LSM12: variants seen among roughly 807,000 people sequenced by gnomAD.
LSM12 encodes the protein LSM12 homolog.
For synonymous variants in LSM12, 74 were observed against 87.3 expected, an observed-to-expected ratio of 0.85 and a Z score of 0.85; for missense variants, 108 against 238.9, an observed-to-expected ratio of 0.45 and a Z score of 3.61.
intron 2 of LSM12, among the ~76,000 whole-genome samples, chr17:44,041,797 G>A (rs751302237): frequency 6.6e-6 from 1 of 152,150 alleles, no homozygotes; most frequent in East Asian, 1.9e-4. Flanking sequence ...TTGTTTGAGT[G>A]TAAGACAAAA....
chr17:44,061,427 T>G (rs1048886063), intron 2 of LSM12, among the ~76,000 whole-genome samples: 2 of 152,108 alleles, frequency 1.3e-5, no homozygotes, highest in Non-Finnish European at 2.9e-5. Context: ...GAAGGTATAT[T>G]ACTAAGCCAA....
intron 2 of LSM12, among the ~76,000 whole-genome samples, chr17:44,058,471 G>A (rs2049750567): frequency 1.3e-5 from 2 of 152,010 alleles, no homozygotes; most frequent in African/African-American, 4.8e-5. Context: ...GGAAGCCGAG[G>A]AAGGAGGATT....
At chr17:44,066,378 GCCCCAGCCGCCGCCGTCGTCCCCCACC>G in intron 1 of LSM12, 59 bp downstream of exon 1, 1 of 1,473,624 alleles carries the variant, frequency 6.8e-7, no homozygotes, top group Non-Finnish European at 9.0e-7. Context: ...CCCGGAGAGA[GCCCCAGCCGCCGCCGTCGTCCCCCACC>G]CCCCGACCAC....
At chr17:44,051,876 G>A (rs961213575) in intron 2 of LSM12, among the ~76,000 whole-genome samples, 1 of 152,060 alleles carries the variant, frequency 6.6e-6, no homozygotes, top group Non-Finnish European at 1.5e-5. Flanking sequence ...GAGAGGCCGA[G>A]GCGGGTGGAT....
chr17:44,038,723 T>C (rs971056648), intron 3 of LSM12, among the ~76,000 whole-genome samples: 3 of 152,208 alleles, frequency 2.0e-5, no homozygotes, highest in Admixed American at 6.5e-5. Flanking sequence ...TCACCCATAA[T>C]GGGAGCTGCT....
chr17:44,066,656 G>T lies in LSM12; in HGVS notation c.-69C>A. On this transcript the variant is annotated 5_prime_UTR_variant, in exon 1 of 5. Transcript: ENST00000293406. ...GGCGAAAGCCGGGCCCCCAGTGAGCGCCGCGACGCGACGGCGCGCACGGAG... is the reference window on the plus strand; with the variant it reads ...GGCGAAAGCCGGGCCCCCAGTGAGCTCCGCGACGCGACGGCGCGCACGGAG... 3.9e-6 allele frequency: 5 copies of T among 1,268,608 alleles called. No individual in the cohort carries two copies. The highest frequency in any genetic ancestry group is 3.1e-4 in the Middle Eastern group (1 of 3,240). 78.6% of individuals were successfully genotyped at this position (1,268,608 alleles called of 1,614,324 possible). A position where few individuals can be genotyped will look rare whatever the true frequency, so the allele number is the denominator to read the frequency against.
At chr17:44,056,276 CAA>C (rs1332997090) in intron 2 of LSM12, among the ~76,000 whole-genome samples, 1 of 135,534 alleles carries the variant, frequency 7.4e-6, no homozygotes, top group Non-Finnish European at 1.6e-5. Context: ...GCCTGGGGAA[CAA>C]GAGTAAAACT....
At chr17:44,063,620 T>C (rs1439203658) in intron 2 of LSM12, among the ~76,000 whole-genome samples, 181 bp downstream of exon 2, 1 of 152,192 alleles carries the variant, frequency 6.6e-6, no homozygotes, top group East Asian at 1.9e-4. Context: ...TCTTAAGATC[T>C]ACTGATAACA....
chr17:44,051,880 G>A (rs2049649061), intron 2 of LSM12, among the ~76,000 whole-genome samples: 1 of 152,092 alleles, frequency 6.6e-6, no homozygotes, highest in East Asian at 1.9e-4. Flanking sequence ...GGCCGAGGCG[G>A]GTGGATCACT....
chr17:44,038,516 G>A (rs767156150), intron 3 of LSM12, among the ~76,000 whole-genome samples: 18 of 152,206 alleles, frequency 1.2e-4, no homozygotes, highest in South Asian at 2.1e-4. Flanking sequence ...TTAGCTGGGC[G>A]TGGGACTGCG....
intron 2 of LSM12, among the ~76,000 whole-genome samples, chr17:44,040,963 A>G (rs972328360): frequency 6.6e-6 from 1 of 151,998 alleles, no homozygotes; most frequent in African/African-American, 2.4e-5. Flanking sequence ...CCTGGGTGAC[A>G]GAGCAAGACT....
chr17:44,066,042 T>C (rs2049869399), intron 1 of LSM12, among the ~76,000 whole-genome samples: 1 of 152,044 alleles, frequency 6.6e-6, no homozygotes, highest in South Asian at 2.1e-4. Flanking sequence ...TTCCATACCT[T>C]TGCCCTACCA....
intron 2 of LSM12, among the ~76,000 whole-genome samples, chr17:44,053,308 T>C (rs1461600462): frequency 6.6e-6 from 1 of 152,172 alleles, no homozygotes; most frequent in African/African-American, 2.4e-5. Flanking sequence ...AAGAGCAAGG[T>C]CGAGTAGATG....
chr17:44,050,622 C>T (rs188439466), intron 2 of LSM12, among the ~76,000 whole-genome samples: 35 of 151,890 alleles, frequency 2.3e-4, no homozygotes, highest in African/African-American at 6.5e-4. Context: ...AAGTGATTCT[C>T]CTGCCTCACT....
intron 2 of LSM12, among the ~76,000 whole-genome samples, chr17:44,050,337 T>C: frequency 6.6e-6 from 1 of 151,774 alleles, no homozygotes; most frequent in Admixed American, 6.6e-5. Context: ...CTCGAACTCC[T>C]GACCTCAGGT....
intron 2 of LSM12, 90 bp from the exon 3 acceptor site, chr17:44,040,346 G>A (rs767121998): frequency 1.7e-5 from 16 of 940,338 alleles, no homozygotes; most frequent in East Asian, 2.6e-5. Flanking sequence ...AGGAGGCCAG[G>A]AAAGACTTGT....
rs776079287 is a variant in LSM12, at chr17:44,037,463, C to T, written c.444G>A (p.Val148=). ...TCCCCTCTTTGCCTTTACAGTTTTC[C>T]ACTTGATATGGGGGTGTAATAACAA... ...EEVVITPPYQ[V]ENCKGKEGSA... The change falls in exon 4 of 5, where the codon GTG becomes GTA. Residue 148 remains valine (V), a synonymous_variant. Coordinates refer to ENST00000293406, the MANE Select transcript of LSM12 (RefSeq NM_001371445.1). 6.2e-7 allele frequency: 1 copy of T among 1,611,038 alleles called. No individual in the cohort carries two copies. Among genetic ancestry groups the T allele is most frequent in the Non-Finnish European group, 8.5e-7 (1 of 1,178,858 alleles).
At chr17:44,045,496 G>A (rs2144081891) in intron 2 of LSM12, among the ~76,000 whole-genome samples, 1 of 152,264 alleles carries the variant, frequency 6.6e-6, no homozygotes, top group East Asian at 1.9e-4. Flanking sequence ...TCCACTATGA[G>A]GATACAGTTC....
chr17:44,057,173 G>A (rs1418916724), intron 2 of LSM12, among the ~76,000 whole-genome samples: 3 of 148,454 alleles, frequency 2.0e-5, no homozygotes, highest in East Asian at 2.1e-4. Context: ...TTTTTGAGAC[G>A]GAGTCTCGCT....
Sources: gnomAD v4.1 joint callset for allele counts (sites outside exome capture counted in the v4.1 genomes callset) on GRCh38, gnomAD v4.1.1 for gene constraint, MANE v1.5 for transcripts, NCBI Gene and HGNC (gene_info 2026-07-23, HGNC 2026-07-21) for gene names.